SPECC1: variants seen among roughly 807,000 people sequenced by gnomAD.
SPECC1 encodes cytospin-B.
In SPECC1, 62 loss-of-function variants were observed where a neutral mutation model predicts 104.1. The observed-to-expected ratio is 0.60, with a 90% CI of 0.49 to 0.74. The LOEUF (loss-of-function observed/expected upper bound fraction) is 0.74. Ranked by LOEUF, SPECC1 falls within the 30% of genes least tolerant of loss-of-function variation. The probability of loss-of-function intolerance (pLI) is 0.00; values close to 1 mark genes in which losing one functional copy is unlikely to be tolerated. For synonymous variants in SPECC1, 513 were observed against 501.6 expected, an observed-to-expected ratio of 1.02 and a Z score of -0.30; for missense variants, 1,306 against 1,310.5, an observed-to-expected ratio of 1.00 and a Z score of 0.05.
intron 3 of SPECC1, among the ~76,000 whole-genome samples, chr17:20,113,206 AT>A (rs779399202): frequency 1.4e-4 from 22 of 152,112 alleles, no homozygotes; most frequent in Non-Finnish European, 3.1e-4. Context: ...TTTAATAGAT[AT>A]AGGGAAACTA....
chr17:20,221,023 T>C (rs1477607411), intron 4 of SPECC1, among the ~76,000 whole-genome samples: 1 of 152,234 alleles, frequency 6.6e-6, no homozygotes, highest in East Asian at 1.9e-4. Flanking sequence ...CACTTGGTCA[T>C]GATGAATAAT....
In SPECC1 at chr17:20,199,376, C is replaced by T. The variant is rs568166096; in HGVS notation, c.284-4957C>T. Among the ~76,000 whole-genome samples, 449 of 144,102 alleles carry T rather than the reference C, an allele frequency of 3.1e-3. 1 individual carries two copies. The highest frequency in any genetic ancestry group is 0.011 in the African/African-American group (417 of 38,848). 94.5% of individuals were successfully genotyped at this position (144,102 alleles called of 152,430 possible). ...TGCTGGAATTACAGGCGTGAGCCAC[C>T]GTGCTGGTTTTTTTTTTTTTTTTTT... On this transcript the variant is annotated intron_variant, in intron 3 of 14. Transcript: ENST00000395527.
intron 1 of SPECC1, among the ~76,000 whole-genome samples, chr17:20,077,163 C>T (rs1448867947): frequency 3.9e-5 from 6 of 151,960 alleles, no homozygotes; most frequent in Non-Finnish European, 7.4e-5. Context: ...TCATTTTTTT[C>T]GTAAGTCTTC....
At chr17:20,145,563 G>A (rs148162582) in intron 3 of SPECC1, among the ~76,000 whole-genome samples, 249 of 152,250 alleles carry the variant, frequency 1.6e-3, no homozygotes, top group African/African-American at 5.6e-3. Context: ...GAAGAAGAAG[G>A]TTTCAGTATC....
At chr17:20,263,045 A>G (rs2040083951) in intron 12 of SPECC1, among the ~76,000 whole-genome samples, 1 of 151,636 alleles carries the variant, frequency 6.6e-6, no homozygotes, top group South Asian at 2.1e-4. Flanking sequence ...AGGCTCCCAA[A>G]GTATAAACTC....
At chr17:20,113,182 C>A (rs576257998) in intron 3 of SPECC1, among the ~76,000 whole-genome samples, 7 of 151,936 alleles carry the variant, frequency 4.6e-5, no homozygotes, top group Non-Finnish European at 7.4e-5. Flanking sequence ...TGATTTTTAA[C>A]AGAAAAGCAC....
At chr17:20,148,771 G>A (rs1302121417) in intron 3 of SPECC1, among the ~76,000 whole-genome samples, 2 of 152,006 alleles carry the variant, frequency 1.3e-5, no homozygotes, top group Non-Finnish European at 2.9e-5. Context: ...CCAGGCTGGA[G>A]TGCAGTGGCG....
intron 14 of SPECC1, among the ~76,000 whole-genome samples, chr17:20,309,626 A>G (rs2041870937): frequency 6.6e-6 from 1 of 151,898 alleles, no homozygotes; most frequent in Non-Finnish European, 1.5e-5. Flanking sequence ...GTTGAGCTCC[A>G]TTTATAAGTG....
At chr17:20,038,173 TG>T (rs2045169276) in intron 1 of SPECC1, among the ~76,000 whole-genome samples, 1 of 152,072 alleles carries the variant, frequency 6.6e-6, no homozygotes, top group South Asian at 2.1e-4. Context: ...ATCAGTACTT[TG>T]TTTCACTGAT....
chr17:20,010,151 T>G (rs2043890228), intron 1 of SPECC1: 1 of 151,196 alleles, frequency 6.6e-6, no homozygotes, highest in African/African-American at 2.4e-5. Flanking sequence ...TTGCTTTTTT[T>G]TTTTTTTTTT....
At chr17:20,225,198 G>A (rs551188948) in intron 4 of SPECC1, among the ~76,000 whole-genome samples, 4 of 152,250 alleles carry the variant, frequency 2.6e-5, no homozygotes, top group South Asian at 4.2e-4. Context: ...TTCCCTCTCC[G>A]CCCAGAGCTG....
chr17:20,114,832 T>C (rs921233210), intron 3 of SPECC1, among the ~76,000 whole-genome samples: 15 of 152,312 alleles, frequency 9.8e-5, no homozygotes, highest in African/African-American at 3.6e-4. Context: ...CCTTTACAAG[T>C]GAAGGAAAGC....
intron 3 of SPECC1, among the ~76,000 whole-genome samples, chr17:20,170,332 C>T (rs1337377266): frequency 1.3e-5 from 2 of 152,210 alleles, no homozygotes. Context: ...CTTGTATTTC[C>T]AGGAAAGTTT....
rs945355295 is a variant in SPECC1, at chr17:20,292,934, C to G, written c.2941-4027C>G. ...TGCAAAGCAGACTCCAGGACACTGTCTTCCTGAAAGCCGGTGCTTTTGGGG... is the reference window on the plus strand; with the variant it reads ...TGCAAAGCAGACTCCAGGACACTGTGTTCCTGAAAGCCGGTGCTTTTGGGG... On this transcript the variant is annotated intron_variant, in intron 12 of 14. Coordinates refer to ENST00000395527, the MANE Select transcript of SPECC1 (RefSeq NM_001243439.2). Among the ~76,000 whole-genome samples the G allele has an allele frequency of 3.2e-4, 49 of 152,210 alleles. 1 individual carries two copies. Among genetic ancestry groups the G allele is most frequent in the Non-Finnish European group, 1.5e-4 (10 of 68,034 alleles).
At position 20,205,508 on chromosome 17, in the gene SPECC1, A is replaced by G. The variant is rs765151763; in HGVS notation, c.1459A>G (p.Ile487Val). Reference protein sequence around the residue: ...GRFEREKLLNIQQQLTCSLRK... With the variant: ...GRFEREKLLNVQQQLTCSLRK... ...CTTTGAAAGAGAGAAGCTACTCAACATTCAGCAGCAGTTGACCTGTAGCTT... is the reference window on the plus strand; with the variant it reads ...CTTTGAAAGAGAGAAGCTACTCAACGTTCAGCAGCAGTTGACCTGTAGCTT... The change falls in exon 4 of 15, where the codon ATT becomes GTT. Residue 487 changes from isoleucine to valine, a missense_variant. By Grantham distance (29) the Ile-to-Val change is conservative (BLOSUM62 3). Transcript: ENST00000395527. 9.3e-6 allele frequency: 15 copies of G among 1,614,104 alleles called. No individual in the cohort carries two copies. The highest frequency in any genetic ancestry group is 1.3e-5 in the Non-Finnish European group (15 of 1,180,048).
rs145199454 is a variant in SPECC1, at chr17:20,281,110, C to T, written c.2941-15851C>T. Among the ~76,000 whole-genome samples the T allele has an allele frequency of 3.3e-3, 502 of 152,214 alleles. 4 individuals carry two copies. Among genetic ancestry groups the T allele is most frequent in the African/African-American group, 7.4e-3 (309 of 41,514 alleles). ...ATGTCAGCTCAGTTCTTAGCATGGC[C>T]GGTCGGTTCCTGGAAATGGCGGCTT... On this transcript the variant is annotated intron_variant, in intron 12 of 14. Coordinates refer to ENST00000395527, the MANE Select transcript of SPECC1 (RefSeq NM_001243439.2).
At chr17:20,095,397 TAGC>T (rs1319599132) in intron 1 of SPECC1, among the ~76,000 whole-genome samples, 7 of 152,354 alleles carry the variant, frequency 4.6e-5, no homozygotes, top group African/African-American at 1.7e-4. Flanking sequence ...TTTCCACTGG[TAGC>T]AGCATTCACA....
At position 20,156,627 on chromosome 17, in the gene SPECC1, G is replaced by A. The variant is rs556463448; in HGVS notation, c.283+46065G>A. Reference sequence around the variant, plus strand: ...CCTCTCCCTGTCGGCCGCCGGCCCCGCAGTTTGTGGCGCCCGCGGCTCTGC... The same window carrying A: ...CCTCTCCCTGTCGGCCGCCGGCCCCACAGTTTGTGGCGCCCGCGGCTCTGC... On this transcript the variant is annotated intron_variant, in intron 3 of 14. Coordinates refer to ENST00000395527, the MANE Select transcript of SPECC1 (RefSeq NM_001243439.2). Among the ~76,000 whole-genome samples the A allele has an allele frequency of 3.5e-4, 53 of 152,254 alleles. 2 individuals carry two copies. In the South Asian group the frequency reaches 0.01, roughly 30 times the overall value.
rs544603726 is a variant in SPECC1, at chr17:20,096,890, C to T, written c.147+92C>T. The T allele has an allele frequency of 1.0e-5, 15 of 1,474,154 alleles. No individual in the cohort carries two copies. The African/African-American group carries it at 1.1e-4, about 11-fold the overall frequency. The allele number at this position is 1,474,154 out of a possible 1,614,324, so 91.3% of individuals were successfully genotyped here. A position where few individuals can be genotyped will look rare whatever the true frequency, so the allele number is the denominator to read the frequency against. On this transcript the variant is annotated intron_variant, in intron 2 of 14. Transcript: ENST00000395527. ...GGCAGTAAGCAAACCAGTGGCCTCT[C>T]GGGGCAGGGAAGGAGGCTCCCAAGG...
Sources: gnomAD v4.1 joint callset for allele counts (sites outside exome capture counted in the v4.1 genomes callset) on GRCh38, gnomAD v4.1.1 for gene constraint, MANE v1.5 for transcripts, NCBI Gene and HGNC (gene_info 2026-07-23, HGNC 2026-07-21) for gene names.